KCTD5: variants seen among roughly 807,000 people sequenced by gnomAD.
KCTD5 encodes the protein BTB/POZ domain-containing protein KCTD5.
In KCTD5, 12 loss-of-function variants were observed where a neutral mutation model predicts 27.9. That is an observed-to-expected ratio of 0.43 (90% CI 0.28 to 0.70). The LOEUF (loss-of-function observed/expected upper bound fraction) is 0.70, where lower values mean the gene tolerates loss of function less well. Among genes scored for constraint, KCTD5 ranks in the 30% least tolerant of loss-of-function variants. The pLI, the probability that KCTD5 is intolerant of heterozygous loss-of-function variation, is 0.19. For synonymous variants in KCTD5, 147 were observed against 121.4 expected (o/e 1.21, Z -1.39); for missense variants, 226 against 274.8 (o/e 0.82, Z 1.26).
intron 5 of KCTD5, among the ~76,000 whole-genome samples, chr16:2,706,869 A>G (rs562687136): frequency 6.3e-4 from 86 of 137,062 alleles, no homozygotes; most frequent in African/African-American, 2.3e-3. Flanking sequence ...GGTGAGGGGC[A>G]TCTCCAGGAG....
chr16:2,687,341 G>A (rs2067544224), intron 1 of KCTD5, among the ~76,000 whole-genome samples: 1 of 152,240 alleles, frequency 6.6e-6, no homozygotes, highest in Admixed American at 6.5e-5. Context: ...TGGGCCCGCG[G>A]TCTTCGGCAT....
chr16:2,690,048 G>GC (rs1205706051), intron 1 of KCTD5, among the ~76,000 whole-genome samples: 2 of 152,242 alleles, frequency 1.3e-5, no homozygotes. Context: ...CCCCCACGTT[G>GC]CCCCCGGTGC....
At chr16:2,684,651 G>A (rs2067532267) in intron 1 of KCTD5, 1 of 152,178 alleles carries the variant, frequency 6.6e-6, no homozygotes, top group African/African-American at 2.4e-5. Context: ...TGTAGTCCCA[G>A]CTACTAGGCA....
intron 1 of KCTD5, among the ~76,000 whole-genome samples, chr16:2,690,760 G>A (rs1437668614): frequency 1.3e-5 from 2 of 152,216 alleles, no homozygotes; most frequent in African/African-American, 4.8e-5. Flanking sequence ...ATGGCCTTAC[G>A]GGCAGCACAG....
At position 2,682,808 on chromosome 16, in the gene KCTD5, C is replaced by A; in HGVS notation, c.252+8C>A. The A allele has an allele frequency of 1.3e-6, 2 of 1,586,186 alleles. No homozygotes were observed. The highest frequency in any genetic ancestry group is 2.3e-5 in the South Asian group (2 of 87,806). ...GACCTGGACTCAGACAAGGTGAGGGCCTCACGGGCCAGCCCGGAGGGTCCT... is the reference window on the plus strand; with the variant it reads ...GACCTGGACTCAGACAAGGTGAGGGACTCACGGGCCAGCCCGGAGGGTCCT... On this transcript the variant is annotated splice_region_variant and intron_variant, in intron 1 of 5. Coordinates refer to ENST00000301738, the MANE Select transcript of KCTD5 (RefSeq NM_018992.4).
intron 1 of KCTD5, among the ~76,000 whole-genome samples, chr16:2,689,801 T>G (rs1321988455): frequency 1.3e-5 from 2 of 152,038 alleles, no homozygotes; most frequent in Non-Finnish European, 2.9e-5. Flanking sequence ...TCAGCCTCCC[T>G]AGTAGCTGGG....
chr16:2,697,854 T>G, intron 2 of KCTD5, 52 bp from the exon 3 acceptor site: 1 of 1,313,790 alleles, frequency 7.6e-7, no homozygotes, highest in Non-Finnish European at 1.1e-6. Context: ...AAAGCGTGGA[T>G]TCTTTGGTTT....
intron 5 of KCTD5, among the ~76,000 whole-genome samples, chr16:2,705,888 C>T (rs2067633490): frequency 6.6e-6 from 1 of 152,206 alleles, no homozygotes; most frequent in African/African-American, 2.4e-5. Context: ...GTGTCTCCTG[C>T]CCTCATCAGG....
chr16:2,706,580 T>C (rs1362476207), intron 5 of KCTD5, among the ~76,000 whole-genome samples: 2 of 151,912 alleles, frequency 1.3e-5, no homozygotes, highest in African/African-American at 4.8e-5. Flanking sequence ...CCAGGCCGAC[T>C]TGGGGGTGGC....
At chr16:2,685,098 A>C (rs544155422) in intron 1 of KCTD5, among the ~76,000 whole-genome samples, 1 of 152,346 alleles carries the variant, frequency 6.6e-6, no homozygotes, top group South Asian at 2.1e-4. Context: ...ATGAAGGTAA[A>C]GTAGCAGATA....
chr16:2,697,814 AG>A lies in KCTD5; in HGVS notation c.362-88del, dbSNP rs2067593071. ...GGGCCGAGCCATGGGCCCTCATTGC[AG>A]GGGCAGGGGCAAGGGCAGGGGTGGG... On this transcript the variant is annotated intron_variant, in intron 2 of 5. Transcript: ENST00000301738. The A allele has an allele frequency of 5.7e-6, 5 of 879,700 alleles. No individual in the cohort carries two copies. In the South Asian group the frequency reaches 6.1e-5, roughly 11 times the overall value. The allele number at this position is 879,700 out of a possible 1,614,324, so 54.5% of individuals were successfully genotyped here.
chr16:2,697,806 C>T (rs2067593005), intron 2 of KCTD5, 100 bp from the exon 3 acceptor site: 3 of 830,352 alleles, frequency 3.6e-6, no homozygotes, highest in Admixed American at 4.1e-5. Context: ...GCCATGGGCC[C>T]TCATTGCAGG....
intron 1 of KCTD5, chr16:2,685,524 A>G (rs1372099381): frequency 4.0e-5 from 6 of 149,136 alleles, no homozygotes; most frequent in Non-Finnish European, 9.0e-5. Context: ...GCTAATTCAT[A>G]TTAGTCACGT....
Position 2,702,375 on chromosome 16 carries a change from A to G in KCTD5, c.572A>G (p.Tyr191Cys), listed in dbSNP as rs771536000. 1 of 1,613,376 alleles carries G rather than the reference A, an allele frequency of 6.2e-7. No individual in the cohort carries two copies. Among genetic ancestry groups the G allele is most frequent in the Non-Finnish European group, 8.5e-7 (1 of 1,179,948 alleles). ...CAGTTGGTCAGCATCGGCTCCTCTT[A>G]CAACTATGGGAACGAAGACCAAGCC... ...FEQLVSIGSS[Y>C]NYGNEDQAEF... The change falls in exon 5 of 6, where the codon TAC becomes TGC. Residue 191 changes from tyrosine to cysteine, a missense_variant. Tyr to Cys is a radical substitution (Grantham distance 194). This residue lies in a region of KCTD5 where 135 missense variants were observed against 207.0 expected (regional missense o/e 0.65). Transcript: ENST00000301738.
At chr16:2,693,279 C>T (rs927579702) in intron 1 of KCTD5, among the ~76,000 whole-genome samples, 3 of 152,242 alleles carry the variant, frequency 2.0e-5, no homozygotes, top group Non-Finnish European at 4.4e-5. Context: ...CTGTTCCCTC[C>T]CTGCAGCGGC....
At chr16:2,684,841 G>A (rs2067533738) in intron 1 of KCTD5, 1 of 152,190 alleles carries the variant, frequency 6.6e-6, no homozygotes. Context: ...TGGAGGCTGA[G>A]GCAGAAGAAT....
Position 2,682,736 on chromosome 16 carries a change from G to T in KCTD5, c.188G>T (p.Cys63Phe). Residue 63 changes from cysteine (C) to phenylalanine (F), a missense_variant, in exon 1 of 6, where the codon TGC becomes TTC. Physicochemically the swap from Cys to Phe is radical, Grantham distance 205. Transcript: ENST00000301738. ...TYFLTTRQTL[C>F]RDPKSFLYRL... Reference sequence around the variant, plus strand: ...TTCCTCACCACTCGGCAGACCCTGTGCCGGGACCCGAAATCCTTCCTGTAC... The same window carrying T: ...TTCCTCACCACTCGGCAGACCCTGTTCCGGGACCCGAAATCCTTCCTGTAC... The T allele has an allele frequency of 6.2e-7, 1 of 1,610,932 alleles. No homozygotes were observed. Among genetic ancestry groups the T allele is most frequent in the South Asian group, 1.1e-5 (1 of 90,656 alleles).
chr16:2,706,985 G>A (rs550324905), intron 5 of KCTD5, among the ~76,000 whole-genome samples: 7 of 152,180 alleles, frequency 4.6e-5, no homozygotes, highest in African/African-American at 7.2e-5. Context: ...CCCGCGGGCC[G>A]AGTTGCGCTT....
intron 1 of KCTD5, among the ~76,000 whole-genome samples, chr16:2,690,703 G>C (rs544263892): frequency 2.6e-5 from 4 of 152,304 alleles, no homozygotes; most frequent in African/African-American, 9.6e-5. Context: ...AGCGGGCCGG[G>C]GCATCTTTCC....
Sources: gnomAD v4.1 joint callset for allele counts (sites outside exome capture counted in the v4.1 genomes callset) on GRCh38, gnomAD v4.1.1 for gene constraint, gnomAD v4.1.1 regional missense constraint, MANE v1.5 for transcripts, NCBI Gene and HGNC (gene_info 2026-07-23, HGNC 2026-07-21) for gene names.